The following CLIC6 variants were observed in gnomAD, a reference collection of about 807,000 sequenced individuals.
The protein encoded by CLIC6 is CLIC family member 6, also known as chloride intracellular channel protein 6.
In CLIC6, 39 loss-of-function variants were observed where a neutral mutation model predicts 49.2. The observed-to-expected ratio is 0.79, with a 90% CI of 0.61 to 1.04. CLIC6 has a LOEUF of 1.04. CLIC6 is among the 50% of genes least tolerant of loss of function. The pLI, the probability that CLIC6 is intolerant of heterozygous loss-of-function variation, is 0.00. For missense variants in CLIC6, 988 were observed against 993.1 expected (o/e 0.99, Z 0.07); for synonymous variants, 446 against 433.4 (o/e 1.03, Z -0.36).
rs547404185 is a variant in CLIC6 at position 34,698,896 on chromosome 21, G to T, written c.1375-8384G>T. ...CCCAGGCCCGAGGCTCTGAGACCCG[G>T]CAAGAGTGGCTTCAAAAGCAGAAAC... On this transcript the variant is annotated intron_variant, in intron 1 of 5. Transcript: ENST00000349499. Among the ~76,000 whole-genome samples the T allele has an allele frequency of 6.4e-4, 98 of 152,290 alleles. 1 individual carries two copies. The highest frequency in any genetic ancestry group is 2.3e-3 in the African/African-American group (95 of 41,548).
intron 5 of CLIC6, among the ~76,000 whole-genome samples, chr21:34,713,183 C>T (rs1290792792): frequency 1.3e-5 from 2 of 152,070 alleles, no homozygotes. Context: ...GAAACAAAAA[C>T]AGAAAAAGAC....
chr21:34,682,383 C>A (rs1989794269), intron 1 of CLIC6, among the ~76,000 whole-genome samples: 1 of 151,988 alleles, frequency 6.6e-6, no homozygotes, highest in Non-Finnish European at 1.5e-5. Flanking sequence ...ATTTGCATTT[C>A]TTTTATTATG....
Position 34,716,511 on chromosome 21 carries a change from A to T in CLIC6, c.*29A>T, listed in dbSNP as rs1358901285. 1 of 1,578,240 alleles carries T rather than the reference A, an allele frequency of 6.3e-7. No homozygotes were observed. The highest frequency in any genetic ancestry group is 8.6e-7 in the Non-Finnish European group (1 of 1,159,600). On this transcript the variant is annotated 3_prime_UTR_variant, in exon 6 of 6. Coordinates refer to ENST00000349499, the MANE Select transcript of CLIC6 (RefSeq NM_053277.3). ...TGGGCTGTTTTCTGTCTTATTTCTC[A>T]GTTGAGTGAGCAAGGATACGAAAAC...
chr21:34,669,394 C>A lies in CLIC6; in HGVS notation c.6C>A (p.Ala2=). M[A]EAAEPEGVAP... ...AAGGACAGGGATCTGCGGCCATGGC[C>A]GAGGCCGCGGAGCCGGAGGGGGTTG... is the stretch of plus-strand genomic sequence containing the variant. The change falls in exon 1 of 6, where the codon GCC becomes GCA. Residue 2 remains alanine (A), a synonymous_variant. Coordinates refer to ENST00000349499, the MANE Select transcript of CLIC6 (RefSeq NM_053277.3). The A allele has an allele frequency of 8.1e-7, 1 of 1,237,988 alleles. No individual in the cohort carries two copies. Among genetic ancestry groups the A allele is most frequent in the Non-Finnish European group, 1.0e-6 (1 of 991,378 alleles). The allele number at this position is 1,237,988 out of a possible 1,614,324, so 76.7% of individuals were successfully genotyped here.
chr21:34,677,046 C>T (rs1416965115), intron 1 of CLIC6, among the ~76,000 whole-genome samples: 1 of 152,008 alleles, frequency 6.6e-6, no homozygotes, highest in Non-Finnish European at 1.5e-5. Flanking sequence ...TTTTGTCAGC[C>T]CTTTTCTCCT....
At chr21:34,711,568 TA>T in intron 5 of CLIC6, among the ~76,000 whole-genome samples, 1 of 127,886 alleles carries the variant, frequency 7.8e-6, no homozygotes, top group Non-Finnish European at 1.7e-5. Flanking sequence ...AATAAATAAA[TA>T]AATTACATGT....
At chr21:34,672,473 C>T (rs368621139) in intron 1 of CLIC6, among the ~76,000 whole-genome samples, 19 of 152,292 alleles carry the variant, frequency 1.2e-4, no homozygotes, top group East Asian at 1.2e-3. Flanking sequence ...TTCTCCTCCT[C>T]GCCCCTGTCT....
Position 34,690,448 on chromosome 21 carries a change from T to C in CLIC6, c.1375-16832T>C, listed in dbSNP as rs372513095. The stretch of plus-strand genomic sequence containing the variant: ...TTTTCTAAAGCCTCACTTTCCTTTA[T>C]CCCTTAACACAGGACTGAAATATGG... On this transcript the variant is annotated intron_variant, in intron 1 of 5. Coordinates refer to ENST00000349499, the MANE Select transcript of CLIC6 (RefSeq NM_053277.3). 6.0e-4 allele frequency among the ~76,000 whole-genome samples: 91 copies of C among 152,328 alleles called. No individual in the cohort carries two copies. In the South Asian group the frequency reaches 9.3e-3, roughly 16 times the overall value.
intron 1 of CLIC6, among the ~76,000 whole-genome samples, chr21:34,690,057 T>C (rs1354949509): frequency 2.6e-5 from 4 of 152,210 alleles, no homozygotes; most frequent in Non-Finnish European, 5.9e-5. Context: ...TTTCCCATAG[T>C]TGGATCACAG....
Position 34,670,549 on chromosome 21 carries a change from G to C in CLIC6, c.1161G>C (p.Ala387=), listed in dbSNP as rs769231890. ...AGGGGCCAAGGGAGGAGGAAGCAGC[G>C]GGGGGCGAAGAGGAATCCCCCGACA... The part of the protein sequence containing the change: ...SPEGPREEEA[A]GGEEESPDSS... Residue 387 remains alanine (A), a synonymous_variant, in exon 1 of 6, where the codon GCG becomes GCC. Coordinates refer to ENST00000349499, the MANE Select transcript of CLIC6 (RefSeq NM_053277.3). 43 of 1,499,068 alleles carry C rather than the reference G, an allele frequency of 2.9e-5. No homozygotes were observed. The African/African-American group carries it at 4.7e-4, about 16-fold the overall frequency. The allele number at this position is 1,499,068 out of a possible 1,614,324, so 92.9% of individuals were successfully genotyped here.
intron 1 of CLIC6, among the ~76,000 whole-genome samples, chr21:34,682,325 T>C (rs1233550447): frequency 6.6e-6 from 1 of 152,236 alleles, no homozygotes; most frequent in East Asian, 1.9e-4. Context: ...TGAGGTATTA[T>C]CAAATATTTT....
intron 1 of CLIC6, among the ~76,000 whole-genome samples, chr21:34,675,894 C>G (rs1286759711): frequency 6.6e-6 from 1 of 152,160 alleles, no homozygotes; most frequent in Non-Finnish European, 1.5e-5. Context: ...ACAGAGCCAC[C>G]TTTTTCCATG....
rs934018789 is a variant in CLIC6 at position 34,681,632 on chromosome 21, T to C, written c.1374+10870T>C. 5.3e-5 allele frequency among the ~76,000 whole-genome samples: 8 copies of C among 152,206 alleles called. 1 individual carries two copies. The South Asian group carries it at 1.7e-3, about 32-fold the overall frequency. ...AGGTGCAGTTAGTTTTTTTTACCAC[T>C]TGGGCCTCTTCATAGGACTTCTTTA... On this transcript the variant is annotated intron_variant, in intron 1 of 5. Coordinates refer to ENST00000349499, the MANE Select transcript of CLIC6 (RefSeq NM_053277.3).
At position 34,708,032 on chromosome 21, in the gene CLIC6, ATCGAGGAGT is replaced by A. The variant is rs1276255365; in HGVS notation, c.1576_1584del (p.Glu526_Phe528del). The A allele has an allele frequency of 6.2e-7, 1 of 1,614,144 alleles. No homozygotes were observed. The highest frequency in any genetic ancestry group is 1.7e-5 in the Admixed American group (1 of 60,012). On this transcript the variant is annotated inframe_deletion, in exon 3 of 6. Coordinates refer to ENST00000349499, the MANE Select transcript of CLIC6 (RefSeq NM_053277.3). Reference sequence around the variant, plus strand: ...TGAAGTCAAGACGGATGTGAATAAGATCGAGGAGTTCTTAGAGGAGAAATTAGCTCCCCC... The same window carrying A: ...TGAAGTCAAGACGGATGTGAATAAGATCTTAGAGGAGAAATTAGCTCCCCC...
chr21:34,709,364 A>G lies in CLIC6; in HGVS notation c.1725A>G (p.Glu575=). 1 of 1,612,440 alleles carries G rather than the reference A, an allele frequency of 6.2e-7. No homozygotes were observed. Among genetic ancestry groups the G allele is most frequent in the Non-Finnish European group, 8.5e-7 (1 of 1,179,424 alleles). Residue 575 remains glutamate (E), a synonymous_variant, in exon 5 of 6, where the codon GAA becomes GAG. Transcript: ENST00000349499. ...NTKKDANEIH[E]KNLLKALRKL... ...CTTGCCCTTCTGTTTTAGTTCATGA[A>G]AAGAACCTGCTGAAGGCCCTGAGGA...
intron 1 of CLIC6, among the ~76,000 whole-genome samples, chr21:34,690,064 A>G (rs1989961831): frequency 6.6e-6 from 1 of 152,236 alleles, no homozygotes; most frequent in African/African-American, 2.4e-5. Context: ...TAGTTGGATC[A>G]CAGGAACTTG....
chr21:34,683,381 G>A (rs927491953), intron 1 of CLIC6, among the ~76,000 whole-genome samples: 4 of 152,112 alleles, frequency 2.6e-5, no homozygotes, highest in Admixed American at 2.6e-4. Context: ...TAAAAATATT[G>A]CCTCTGAGGT....
chr21:34,711,820 C>A (rs1195143731), intron 5 of CLIC6, among the ~76,000 whole-genome samples: 1 of 152,152 alleles, frequency 6.6e-6, no homozygotes, highest in East Asian at 1.9e-4. Context: ...AATAGCTTTG[C>A]CAGTCCACCA....
chr21:34,702,839 G>C (rs2055989517), intron 1 of CLIC6, among the ~76,000 whole-genome samples: 1 of 152,154 alleles, frequency 6.6e-6, no homozygotes, highest in South Asian at 2.1e-4. Context: ...TCATCAGTTT[G>C]GTTCAGCTGC....
Sources: gnomAD v4.1 joint callset for allele counts (sites outside exome capture counted in the v4.1 genomes callset) on GRCh38, gnomAD v4.1.1 for gene constraint, MANE v1.5 for transcripts, NCBI Gene and HGNC (gene_info 2026-07-23, HGNC 2026-07-21) for gene names.